LRRTM4: variants seen among roughly 807,000 people sequenced by gnomAD.
The protein encoded by LRRTM4 is leucine-rich repeat transmembrane neuronal protein 4.
A neutral mutation model predicts 47.6 loss-of-function variants in LRRTM4; 25 were observed. The ratio of observed to expected loss-of-function variants is 0.53; its 90% CI spans 0.38 to 0.73. The LOEUF is 0.73. Among genes scored for constraint, LRRTM4 ranks in the 30% least tolerant of loss-of-function variants. LRRTM4 has a pLI of 0.00. For missense variants in LRRTM4, 638 were observed against 713.4 expected (o/e 0.89, Z 1.20); for synonymous variants, 311 against 269.5 (o/e 1.15, Z -1.51).
At chr2:77,067,611 G>GA (rs1426951047) in intron 3 of LRRTM4, among the ~76,000 whole-genome samples, 11 of 143,166 alleles carry the variant, frequency 7.7e-5, no homozygotes, top group South Asian at 2.2e-4. Context: ...CAGAACTCAG[G>GA]AAAAAAAAAT....
At chr2:77,220,740 G>A (rs1674597926) in intron 3 of LRRTM4, among the ~76,000 whole-genome samples, 1 of 152,234 alleles carries the variant, frequency 6.6e-6, no homozygotes, top group Non-Finnish European at 1.5e-5. Context: ...TGCTGTACCT[G>A]AAAGTGATGG....
chr2:77,318,079 T>TCACTA (rs1677670084), intron 3 of LRRTM4, among the ~76,000 whole-genome samples: 4 of 142,756 alleles, frequency 2.8e-5, no homozygotes, highest in African/African-American at 1.1e-4. Flanking sequence ...CGATCTTGGC[T>TCACTA]CACTACAAGC....
chr2:77,082,920 G>A (rs1680580013), intron 3 of LRRTM4, among the ~76,000 whole-genome samples: 1 of 151,940 alleles, frequency 6.6e-6, no homozygotes, highest in South Asian at 2.1e-4. Flanking sequence ...GACTTGTTGT[G>A]CATCTTATAT....
intron 3 of LRRTM4, among the ~76,000 whole-genome samples, chr2:77,006,296 C>T (rs936430628): frequency 6.6e-5 from 10 of 152,056 alleles, no homozygotes; most frequent in South Asian, 2.1e-4. Context: ...ACAATAATTT[C>T]GAACCTAAGC....
chr2:76,789,551 C>CGT (rs1674856850), intron 3 of LRRTM4, among the ~76,000 whole-genome samples: 1 of 152,154 alleles, frequency 6.6e-6, no homozygotes, highest in Non-Finnish European at 1.5e-5. Flanking sequence ...CCTGTGGCAC[C>CGT]AGCCACATAC....
intron 3 of LRRTM4, among the ~76,000 whole-genome samples, chr2:77,397,513 A>G (rs987696493): frequency 1.3e-5 from 2 of 151,828 alleles, no homozygotes; most frequent in Non-Finnish European, 2.9e-5. Flanking sequence ...CTAAAAAGTA[A>G]TTTATCAATC....
chr2:76,838,713 A>G (rs190805766), intron 3 of LRRTM4, among the ~76,000 whole-genome samples: 5 of 152,176 alleles, frequency 3.3e-5, no homozygotes, highest in Admixed American at 3.3e-4. Flanking sequence ...GTAAAAATGC[A>G]TTTTTAAGAA....
rs75429774 is a variant in LRRTM4 at position 76,846,010 on chromosome 2, T to G, written c.1552-97094A>C. Among the ~76,000 whole-genome samples the G allele has an allele frequency of 5.4e-3, 823 of 152,242 alleles. 6 individuals are homozygous for G. Among genetic ancestry groups the G allele is most frequent in the African/African-American group, 0.019 (771 of 41,534 alleles). On this transcript the variant is annotated intron_variant, in intron 3 of 3. Coordinates refer to ENST00000409884, the MANE Select transcript of LRRTM4 (RefSeq NM_001134745.3). ...CCCAATGCAGATGGAAAATACGGTA[T>G]TTGCAGGATATAAAACCCATGTAAT...
chr2:76,810,091 T>C (rs530036809), intron 3 of LRRTM4, among the ~76,000 whole-genome samples: 1 of 152,352 alleles, frequency 6.6e-6, no homozygotes, highest in East Asian at 1.9e-4. Context: ...CCTACTAGAA[T>C]GTAAATGAAA....
chr2:76,908,576 T>C lies in LRRTM4; in HGVS notation c.1552-159660A>G, dbSNP rs561368279. Among the ~76,000 whole-genome samples, 348 of 152,148 alleles carry C rather than the reference T, an allele frequency of 2.3e-3. 5 individuals carry two copies. The highest frequency in any genetic ancestry group is 7.6e-3 in the African/African-American group (317 of 41,504). On this transcript the variant is annotated intron_variant, in intron 3 of 3. Transcript: ENST00000409884. The stretch of plus-strand genomic sequence containing the variant: ...GTGTCCCTGTTTGCAGATGACATGA[T>C]TGTATATCTAGAAAACCCCATTGTC...
At chr2:76,795,137 A>C (rs1675205590) in intron 3 of LRRTM4, among the ~76,000 whole-genome samples, 1 of 152,224 alleles carries the variant, frequency 6.6e-6, no homozygotes, top group Non-Finnish European at 1.5e-5. Flanking sequence ...ATAATATTAA[A>C]GTGGACAAAA....
chr2:76,865,234 A>C (rs1161607123), intron 3 of LRRTM4, among the ~76,000 whole-genome samples: 5 of 152,088 alleles, frequency 3.3e-5, no homozygotes, highest in Non-Finnish European at 7.4e-5. Flanking sequence ...GTCCCTCCTG[A>C]TACTCACTTC....
At chr2:76,897,082 T>C (rs564735053) in intron 3 of LRRTM4, among the ~76,000 whole-genome samples, 1 of 152,136 alleles carries the variant, frequency 6.6e-6, no homozygotes, top group Non-Finnish European at 1.5e-5. Flanking sequence ...AGGAGATGAT[T>C]GTTTAGACAA....
intron 3 of LRRTM4, among the ~76,000 whole-genome samples, chr2:77,136,910 A>T (rs1671961881): frequency 6.6e-6 from 1 of 151,846 alleles, no homozygotes; most frequent in Non-Finnish European, 1.5e-5. Flanking sequence ...ATGAAGTGAG[A>T]AGAGAAGTTT....
intron 3 of LRRTM4, among the ~76,000 whole-genome samples, chr2:76,881,092 C>T (rs536713145): frequency 5.9e-5 from 9 of 152,162 alleles, no homozygotes; most frequent in African/African-American, 1.4e-4. Flanking sequence ...CAAGAAAGAA[C>T]GTTCCCAACA....
intron 3 of LRRTM4, among the ~76,000 whole-genome samples, chr2:77,139,397 G>A (rs1301811591): frequency 1.1e-4 from 17 of 152,164 alleles, no homozygotes; most frequent in African/African-American, 3.1e-4. Context: ...CAATAGATGC[G>A]GAAAAGGACT....
intron 3 of LRRTM4, among the ~76,000 whole-genome samples, chr2:77,406,554 G>T (rs761083310): frequency 2.6e-5 from 4 of 151,940 alleles, no homozygotes; most frequent in Admixed American, 6.6e-5. Context: ...CTCCAACTTC[G>T]GCTTCCCAAA....
intron 3 of LRRTM4, among the ~76,000 whole-genome samples, chr2:77,104,345 C>A (rs553848875): frequency 2.2e-4 from 34 of 152,274 alleles, no homozygotes; most frequent in African/African-American, 6.5e-4. Context: ...TCACTCTCCA[C>A]GTGGTGGTCA....
intron 3 of LRRTM4, among the ~76,000 whole-genome samples, chr2:77,173,692 C>T (rs192620831): frequency 1.3e-5 from 2 of 152,248 alleles, no homozygotes; most frequent in African/African-American, 4.8e-5. Context: ...GCCTAAAACT[C>T]CTGGGCTTCA....
Sources: allele counts gnomAD v4.1 joint callset (sites outside exome capture counted in the v4.1 genomes callset), GRCh38; gene constraint gnomAD v4.1.1; transcripts MANE v1.5; gene names NCBI Gene and HGNC (gene_info 2026-07-23, HGNC 2026-07-21).